PIGK: variants seen among roughly 807,000 people sequenced by gnomAD.
PIGK encodes phosphatidylinositol glycan anchor biosynthesis class K, also known as GPI-anchor transamidase.
In PIGK, 42 loss-of-function variants were observed where a neutral mutation model predicts 50.6. The observed-to-expected ratio is 0.83, with a 90% CI of 0.65 to 1.07. The LOEUF is 1.07. Among genes scored for constraint, PIGK ranks in the 50% least tolerant of loss-of-function variants. The pLI, the probability that PIGK is intolerant of heterozygous loss-of-function variation, is 0.00. For missense variants in PIGK, 448 were observed against 488.7 expected, an observed-to-expected ratio of 0.92 and a Z score of 0.78; for synonymous variants, 151 against 156.0, an observed-to-expected ratio of 0.97 and a Z score of 0.24.
At chr1:77,212,659 TG>T (rs1656447378) in intron 1 of PIGK, among the ~76,000 whole-genome samples, 1 of 152,192 alleles carries the variant, frequency 6.6e-6, no homozygotes, top group Non-Finnish European at 1.5e-5. Context: ...CAGGAGTAGC[TG>T]TACTTAGATC....
intron 3 of PIGK, among the ~76,000 whole-genome samples, chr1:77,193,137 T>G (rs1437031749): frequency 2.6e-5 from 4 of 152,154 alleles, no homozygotes; most frequent in Non-Finnish European, 4.4e-5. Context: ...AGGAAGCAAA[T>G]TCTTTTCACA....
intron 9 of PIGK, among the ~76,000 whole-genome samples, chr1:77,139,444 C>T (rs1654594630): frequency 6.6e-6 from 1 of 152,104 alleles, no homozygotes; most frequent in Admixed American, 6.6e-5. Context: ...AACCCTAAAT[C>T]ACATGAGAGC....
At chr1:77,156,232 T>A (rs1412464864) in intron 8 of PIGK, among the ~76,000 whole-genome samples, 1 of 152,170 alleles carries the variant, frequency 6.6e-6, no homozygotes, top group African/African-American at 2.4e-5. Flanking sequence ...CTTGATGGGC[T>A]TTCTTAGGTA....
intron 8 of PIGK, among the ~76,000 whole-genome samples, chr1:77,158,864 T>C (rs943747657): frequency 2.0e-5 from 3 of 152,186 alleles, no homozygotes; most frequent in Admixed American, 6.5e-5. Context: ...AGCATAAAAG[T>C]TCAGAAAATT....
chr1:77,109,774 G>C (rs1372384316), intron 10 of PIGK, among the ~76,000 whole-genome samples: 1 of 152,136 alleles, frequency 6.6e-6, no homozygotes, highest in Non-Finnish European at 1.5e-5. Flanking sequence ...AATTAGGGAG[G>C]AGAAGGAAAT....
intron 1 of PIGK, among the ~76,000 whole-genome samples, chr1:77,216,528 A>C (rs1481758236): frequency 6.6e-6 from 1 of 152,188 alleles, no homozygotes; most frequent in Non-Finnish European, 1.5e-5. Flanking sequence ...ACATTAAATG[A>C]AACTATAATG....
At chr1:77,160,274 C>A (rs1272441771) in intron 8 of PIGK, among the ~76,000 whole-genome samples, 1 of 152,186 alleles carries the variant, frequency 6.6e-6, no homozygotes, top group East Asian at 1.9e-4. Context: ...GTCCATTAAT[C>A]TTCTTTTTCT....
chr1:77,166,772 C>T lies in PIGK; in HGVS notation c.434G>A (p.Arg145Gln), dbSNP rs775451686. 9.4e-6 allele frequency: 15 copies of T among 1,601,112 alleles called. No homozygotes were observed. Among genetic ancestry groups the T allele is most frequent in the Admixed American group, 3.4e-5 (2 of 58,618 alleles). ...LTGRIPPSTP[R>Q]SKRLLSDDRS... ...GTCATCAGAAAGAAGACGTTTTGAC[C>T]GAGGAGTACTAGGTGGGATCCTCCC... Residue 145 changes from arginine (R) to glutamine (Q), a missense_variant, in exon 5 of 11, where the codon CGG becomes CAG. Arg to Gln is a conservative substitution (Grantham distance 43). Transcript: ENST00000370812.
chr1:77,113,576 T>A (rs925281649), intron 10 of PIGK, among the ~76,000 whole-genome samples: 37 of 152,076 alleles, frequency 2.4e-4, no homozygotes, highest in African/African-American at 8.7e-4. Context: ...GGAAAGAGAT[T>A]TAAAAAAAAT....
chr1:77,096,327 T>C (rs1183919830), intron 10 of PIGK, among the ~76,000 whole-genome samples: 1 of 152,158 alleles, frequency 6.6e-6, no homozygotes, highest in Non-Finnish European at 1.5e-5. Context: ...GCTGTGTCCA[T>C]ACCCTCTGCA....
At chr1:77,206,516 A>C in intron 3 of PIGK, 124 bp downstream of exon 3, 2 of 619,440 alleles carry the variant, frequency 3.2e-6, no homozygotes, top group South Asian at 4.2e-5. Flanking sequence ...GAGAACAAAA[A>C]ATCTTCAAAT....
rs760608965 is a variant in PIGK at position 77,089,181 on chromosome 1, G to A, written c.*3193C>T. 6.6e-6 allele frequency: 1 copy of A among 152,188 alleles called. No individual in the cohort carries two copies. Among genetic ancestry groups the A allele is most frequent in the African/African-American group, 2.4e-5 (1 of 41,448 alleles). The allele number at this position is 152,188 out of a possible 1,614,324, so 9.4% of individuals were successfully genotyped here. ...CACCAAGGTGTATTGTCCATGAATT[G>A]AAAGGCTTTCCTATTTAAGTAGCAG... is the stretch of plus-strand genomic sequence containing the variant. On this transcript the variant is annotated 3_prime_UTR_variant, in exon 11 of 11. Coordinates refer to ENST00000370812, the MANE Select transcript of PIGK (RefSeq NM_005482.3).
At chr1:77,134,694 C>CT (rs78785949) in intron 9 of PIGK, among the ~76,000 whole-genome samples, 28,475 of 152,004 alleles carry the variant, frequency 0.19, 2,820 homozygotes, top group East Asian at 0.36. Flanking sequence ...CTCATTGCTT[C>CT]TACATCTGAT....
intron 9 of PIGK, among the ~76,000 whole-genome samples, chr1:77,152,339 C>CA (rs1654912117): frequency 6.6e-6 from 1 of 151,944 alleles, no homozygotes; most frequent in East Asian, 1.9e-4. Context: ...CACCATATCC[C>CA]AAAATCAAAT....
At chr1:77,142,919 C>G (rs1361934385) in intron 9 of PIGK, among the ~76,000 whole-genome samples, 2 of 152,134 alleles carry the variant, frequency 1.3e-5, no homozygotes, top group East Asian at 3.9e-4. Context: ...TCTACTAGAT[C>G]ATGTTGCCTT....
chr1:77,215,158 T>C (rs551868091), intron 1 of PIGK, among the ~76,000 whole-genome samples: 1 of 152,194 alleles, frequency 6.6e-6, no homozygotes, highest in East Asian at 1.9e-4. Flanking sequence ...CCTGAAATAT[T>C]TGCAAACTAT....
intron 10 of PIGK, among the ~76,000 whole-genome samples, chr1:77,096,534 C>T (rs983748149): frequency 6.6e-6 from 1 of 152,200 alleles, no homozygotes; most frequent in Non-Finnish European, 1.5e-5. Context: ...AAAGCCTACA[C>T]TTCCAGCTAC....
Position 77,092,221 on chromosome 1 carries a change from CTTT to C in PIGK, c.*150_*152del, listed in dbSNP as rs1435535757. 6.5e-6 allele frequency: 3 copies of C among 464,510 alleles called. No homozygotes were observed. Among genetic ancestry groups the C allele is most frequent in the African/African-American group, 2.1e-5 (1 of 48,296 alleles). 28.8% of individuals were successfully genotyped at this position (464,510 alleles called of 1,614,324 possible). On this transcript the variant is annotated 3_prime_UTR_variant, in exon 11 of 11. Coordinates refer to ENST00000370812, the MANE Select transcript of PIGK (RefSeq NM_005482.3). ...AGCAGTTGCATTAACAATTATTTTT[CTTT>C]AAGTTATAAAATTAATAGTTGATTC...
chr1:77,101,935 C>T (rs750165686), intron 10 of PIGK, among the ~76,000 whole-genome samples: 40 of 152,232 alleles, frequency 2.6e-4, no homozygotes, highest in Non-Finnish European at 4.1e-4. Context: ...ACCCAGGAGG[C>T]GGAGGCTGCA....
Sources: allele counts gnomAD v4.1 joint callset (sites outside exome capture counted in the v4.1 genomes callset), GRCh38; gene constraint gnomAD v4.1.1; transcripts MANE v1.5; gene names NCBI Gene and HGNC (gene_info 2026-07-23, HGNC 2026-07-21).